Variants in ITGA1 observed in about 807,000 individuals in gnomAD.
ITGA1 encodes the protein integrin subunit alpha 1.
In ITGA1, 85 loss-of-function variants were observed where a neutral mutation model predicts 145.9. The observed-to-expected ratio is 0.58, with a 90% CI of 0.49 to 0.70. The LOEUF (loss-of-function observed/expected upper bound fraction) is 0.70. Ranked by LOEUF, ITGA1 falls within the 30% of genes least tolerant of loss-of-function variation. ITGA1 has a pLI of 0.00. For synonymous variants in ITGA1, 520 were observed against 495.3 expected (o/e 1.05, Z -0.66); for missense variants, 1,351 against 1,418.7 (o/e 0.95, Z 0.77).
intron 9 of ITGA1, 35 bp downstream of exon 9, chr5:52,893,875 C>A: frequency 6.6e-7 from 1 of 1,515,920 alleles, no homozygotes; most frequent in Non-Finnish European, 9.0e-7. Context: ...CATGTTCTCT[C>A]TGCAATTCAA....
intron 21 of ITGA1, chr5:52,931,582 A>G (rs192847696): frequency 6.6e-6 from 1 of 152,500 alleles, no homozygotes. Flanking sequence ...AGAAAACAAA[A>G]GATTTTAGAT....
At chr5:52,878,172 G>T (rs959399263) in intron 6 of ITGA1, among the ~76,000 whole-genome samples, 5 of 152,148 alleles carry the variant, frequency 3.3e-5, no homozygotes, top group African/African-American at 7.2e-5. Flanking sequence ...GACACTCCTG[G>T]TTTTTTCAGT....
Position 52,947,375 on chromosome 5 carries a change from C to A in ITGA1, c.3409C>A (p.Pro1137Thr). ...LAIQISKDGL[P>T]GRVPLWVILL... ...TATTCAAATATCCAAAGATGGGCTA[C>A]CGGGCAGAGTGCCATTATGGGTCAT... The change falls in exon 28 of 29, where the codon CCG becomes ACG. Residue 1137 changes from proline (P) to threonine (T), a missense_variant. Pro to Thr is a conservative substitution (Grantham distance 38). Transcript: ENST00000282588. The A allele has an allele frequency of 1.2e-6, 2 of 1,612,968 alleles. No individual in the cohort carries two copies. Among genetic ancestry groups the A allele is most frequent in the Non-Finnish European group, 1.7e-6 (2 of 1,179,110 alleles).
At position 52,887,918 on chromosome 5, in the gene ITGA1, G is replaced by C; in HGVS notation, c.877G>C (p.Val293Leu). Residue 293 changes from valine (V) to leucine (L), a missense_variant, in exon 8 of 29, where the codon GTC becomes CTC. Coordinates refer to ENST00000282588, the MANE Select transcript of ITGA1 (RefSeq NM_181501.2). ...TCATGACAATCATCGACTGAAGAAG[G>C]TCATCCAAGACTGTGAAGATGAAAA... is the stretch of plus-strand genomic sequence containing the variant. ...ESHDNHRLKKVIQDCEDENIQ... is the reference protein window; with the variant it reads ...ESHDNHRLKKLIQDCEDENIQ... The C allele has an allele frequency of 6.2e-7, 1 of 1,614,026 alleles. No individual in the cohort carries two copies. The highest frequency in any genetic ancestry group is 8.5e-7 in the Non-Finnish European group (1 of 1,179,918).
Position 52,861,518 on chromosome 5 carries a change from G to GGA in ITGA1, c.258_259dup (p.Gly87GlufsTer8), listed in dbSNP as rs1749603192. Reference sequence around the variant, plus strand: ...GGAGATGTCTATAAGTGTCCAGTTGGGAGAGGTGAATCATTACCTTGTGTA... The same window carrying GGA: ...GGAGATGTCTATAAGTGTCCAGTTGGGAGAGAGGTGAATCATTACCTTGTGTA... On this transcript the variant is annotated frameshift_variant, in exon 3 of 29. Coordinates refer to ENST00000282588, the MANE Select transcript of ITGA1 (RefSeq NM_181501.2). LOFTEE classifies it high-confidence loss of function. 1 of 1,613,644 alleles carries GGA rather than the reference G, an allele frequency of 6.2e-7. No individual in the cohort carries two copies. Among genetic ancestry groups the GGA allele is most frequent in the African/African-American group, 1.3e-5 (1 of 74,876 alleles).
At chr5:52,800,789 C>T (rs368443275) in intron 1 of ITGA1, 1 of 1,613,266 alleles carries the variant, frequency 6.2e-7, no homozygotes, top group Non-Finnish European at 8.5e-7. Context: ...TGTGACCCAG[C>T]CTGGAGCGCT....
At chr5:52,894,851 C>T (rs776825092) in intron 9 of ITGA1, among the ~76,000 whole-genome samples, 17 of 151,960 alleles carry the variant, frequency 1.1e-4, no homozygotes, top group Non-Finnish European at 2.2e-4. Flanking sequence ...TTTGATTGAG[C>T]GTCAAGGGGC....
At chr5:52,800,683 G>T in intron 1 of ITGA1, 3 of 1,614,194 alleles carry the variant, frequency 1.9e-6, no homozygotes, top group Non-Finnish European at 2.5e-6. Flanking sequence ...TGTCAAGATG[G>T]GGGCTTACCA....
intron 1 of ITGA1, among the ~76,000 whole-genome samples, chr5:52,830,199 A>G (rs1453021077): frequency 1.3e-5 from 2 of 152,164 alleles, no homozygotes; most frequent in Non-Finnish European, 2.9e-5. Context: ...TATTCAGAAC[A>G]CTAAAAGCTT....
chr5:52,895,961 G>A (rs1462383238), intron 9 of ITGA1, among the ~76,000 whole-genome samples: 3 of 152,152 alleles, frequency 2.0e-5, no homozygotes, highest in African/African-American at 7.2e-5. Flanking sequence ...AAGTAGCTGT[G>A]ATTATGAAAT....
At chr5:52,937,983 A>AG (rs1750996726) in intron 24 of ITGA1, among the ~76,000 whole-genome samples, 1 of 152,046 alleles carries the variant, frequency 6.6e-6, no homozygotes, top group Non-Finnish European at 1.5e-5. Context: ...CATTAGATTT[A>AG]GGGTCCACCC....
intron 2 of ITGA1, among the ~76,000 whole-genome samples, chr5:52,858,234 C>T (rs1749546830): frequency 6.6e-6 from 1 of 152,154 alleles, no homozygotes; most frequent in South Asian, 2.1e-4. Context: ...CCCAACTTCC[C>T]CCTACATAGA....
chr5:52,858,021 T>A (rs939362268), intron 2 of ITGA1, among the ~76,000 whole-genome samples: 3 of 152,214 alleles, frequency 2.0e-5, no homozygotes, highest in Non-Finnish European at 4.4e-5. Flanking sequence ...ACAGCTTATA[T>A]CCTAAATATT....
chr5:52,854,965 A>T (rs538191875), intron 2 of ITGA1, among the ~76,000 whole-genome samples: 1 of 152,332 alleles, frequency 6.6e-6, no homozygotes, highest in South Asian at 2.1e-4. Context: ...AAAATGCCAT[A>T]TAAAAAGCAA....
intron 28 of ITGA1, among the ~76,000 whole-genome samples, chr5:52,948,334 T>C (rs1207092973): frequency 1.3e-5 from 2 of 152,198 alleles, no homozygotes; most frequent in East Asian, 3.8e-4. Flanking sequence ...TTAAATTATG[T>C]TAAAAATATA....
At chr5:52,800,001 G>C (rs1748423117) in intron 1 of ITGA1, 1 of 276,178 alleles carries the variant, frequency 3.6e-6, no homozygotes, top group African/African-American at 2.2e-5. Context: ...TCACAGCTTA[G>C]TGCGCCTGCG....
chr5:52,830,917 G>A (rs920419503), intron 1 of ITGA1, among the ~76,000 whole-genome samples: 5 of 152,060 alleles, frequency 3.3e-5, no homozygotes, highest in Non-Finnish European at 4.4e-5. Context: ...CATCACCACC[G>A]TCTTGCCCTT....
Position 52,957,770 on chromosome 5 carries a change from G to T in ITGA1, c.*5319G>T, listed in dbSNP as rs537141666. 2 of 152,190 alleles carry T rather than the reference G, an allele frequency of 1.3e-5. 1 individual carries two copies. The highest frequency in any genetic ancestry group is 4.1e-4 in the South Asian group (2 of 4,822). 9.4% of individuals were successfully genotyped at this position (152,190 alleles called of 1,614,324 possible). On this transcript the variant is annotated 3_prime_UTR_variant, in exon 29 of 29. Transcript: ENST00000282588. ...ACACTCAGAGATCCTTTAATTATCT[G>T]ACACACCAGGGAAATCTTGGCAATC... is the stretch of plus-strand genomic sequence containing the variant.
chr5:52,809,476 T>C (rs1275408757), intron 1 of ITGA1, among the ~76,000 whole-genome samples: 1 of 151,028 alleles, frequency 6.6e-6, no homozygotes, highest in Non-Finnish European at 1.5e-5. Context: ...CTGAGATTAT[T>C]CCTCTTTTAA....
Sources: gnomAD v4.1 joint callset for allele counts (sites outside exome capture counted in the v4.1 genomes callset) on GRCh38, gnomAD v4.1.1 for gene constraint, MANE v1.5 for transcripts, NCBI Gene and HGNC (gene_info 2026-07-23, HGNC 2026-07-21) for gene names.